TCERG1L: variants seen among roughly 807,000 people sequenced by gnomAD.
TCERG1L encodes the protein transcription elongation regulator 1-like protein.
In TCERG1L, 37 loss-of-function variants were observed where a neutral mutation model predicts 56.3. The observed-to-expected ratio is 0.66, with a 90% CI of 0.51 to 0.87. TCERG1L has a LOEUF of 0.87. Ranked by LOEUF, TCERG1L falls within the 40% of genes least tolerant of loss-of-function variation. The pLI, the probability that TCERG1L is intolerant of heterozygous loss-of-function variation, is 0.00. For missense variants in TCERG1L, 799 were observed against 774.2 expected (o/e 1.03, Z -0.38); for synonymous variants, 324 against 326.3 (o/e 0.99, Z 0.08).
intron 9 of TCERG1L, among the ~76,000 whole-genome samples, chr10:131,115,650 G>A (rs1343078960): frequency 1.3e-5 from 2 of 152,144 alleles, no homozygotes; most frequent in East Asian, 3.9e-4. Context: ...TTTCGCCTTT[G>A]AGTAAATGAT....
At chr10:131,191,036 C>G (rs574502135) in intron 4 of TCERG1L, among the ~76,000 whole-genome samples, 1 of 144,170 alleles carries the variant, frequency 6.9e-6, no homozygotes, top group Admixed American at 6.9e-5. Context: ...GTTGTAAAAT[C>G]AATGTACACA....
chr10:131,195,238 C>A (rs916743319), intron 4 of TCERG1L, among the ~76,000 whole-genome samples: 1 of 152,212 alleles, frequency 6.6e-6, no homozygotes, highest in Non-Finnish European at 1.5e-5. Context: ...GTATGTGAAG[C>A]CTGATCACAG....
chr10:131,229,892 C>T lies in TCERG1L; in HGVS notation c.856+30367G>A, dbSNP rs182184079. 1.2e-4 allele frequency among the ~76,000 whole-genome samples: 19 copies of T among 152,280 alleles called. No individual in the cohort carries two copies. In the East Asian group the frequency reaches 1.4e-3, roughly 11 times the overall value. ...GGCACAGGGTGAGTAACCTTCTGAA[C>T]GAAGCGCTGAGGAGAACGTGATTTT... On this transcript the variant is annotated intron_variant, in intron 4 of 11. Coordinates refer to ENST00000368642, the MANE Select transcript of TCERG1L (RefSeq NM_174937.4).
intron 4 of TCERG1L, among the ~76,000 whole-genome samples, chr10:131,178,718 G>A (rs1210101295): frequency 1.3e-5 from 2 of 152,158 alleles, no homozygotes; most frequent in Non-Finnish European, 2.9e-5. Flanking sequence ...CCCTGCCCCA[G>A]GTGTCTCCGG....
At chr10:131,224,000 G>C (rs79899993) in intron 4 of TCERG1L, among the ~76,000 whole-genome samples, 1 of 151,752 alleles carries the variant, frequency 6.6e-6, no homozygotes, top group Non-Finnish European at 1.5e-5. Flanking sequence ...AGAAGCAGCC[G>C]CTCCATCCCA....
chr10:131,147,401 C>T (rs79767606), intron 6 of TCERG1L, among the ~76,000 whole-genome samples: 7,573 of 152,282 alleles, frequency 0.05, 277 homozygotes, highest in South Asian at 0.22. Context: ...CGGGAGCCTG[C>T]GGCATGGAGG....
At chr10:131,181,329 G>C (rs1295508949) in intron 4 of TCERG1L, among the ~76,000 whole-genome samples, 2 of 152,218 alleles carry the variant, frequency 1.3e-5, no homozygotes, top group Non-Finnish European at 2.9e-5. Flanking sequence ...CAACACCAGG[G>C]GCCCGGGGGT....
intron 3 of TCERG1L, among the ~76,000 whole-genome samples, chr10:131,295,564 A>C (rs1009513375): frequency 2.6e-5 from 4 of 152,250 alleles, no homozygotes; most frequent in African/African-American, 9.6e-5. Flanking sequence ...ATGATGTTGA[A>C]CATTTTTAAA....
In TCERG1L at chr10:131,135,472, C is replaced by A. The variant is rs181338515; in HGVS notation, c.1190-1024G>T. Among the ~76,000 whole-genome samples the A allele has an allele frequency of 2.6e-5, 4 of 152,270 alleles. No homozygotes were observed. The South Asian group carries it at 8.3e-4, about 32-fold the overall frequency. ...CTGCACATTTTCTTTCTATAAAACCCGACAATTCTCCCTACACCTGTTTTT... is the reference window on the plus strand; with the variant it reads ...CTGCACATTTTCTTTCTATAAAACCAGACAATTCTCCCTACACCTGTTTTT... On this transcript the variant is annotated intron_variant, in intron 7 of 11. Coordinates refer to ENST00000368642, the MANE Select transcript of TCERG1L (RefSeq NM_174937.4).
intron 4 of TCERG1L, among the ~76,000 whole-genome samples, chr10:131,228,660 CCGGAGTCTCCCCTCCAG>C: frequency 1.4e-5 from 1 of 70,054 alleles, no homozygotes; most frequent in Non-Finnish European, 2.9e-5. Context: ...CTCAAGGCCT[CCGGAGTCTCCCCTCCAG>C]ACAGGCATTT....
intron 3 of TCERG1L, among the ~76,000 whole-genome samples, chr10:131,273,346 G>T (rs10829968): frequency 6.6e-6 from 1 of 152,004 alleles, no homozygotes; most frequent in Non-Finnish European, 1.5e-5. Context: ...GGCCTCCTCC[G>T]TGGGTCTGGA....
intron 4 of TCERG1L, among the ~76,000 whole-genome samples, chr10:131,204,074 G>A (rs1161790481): frequency 6.6e-6 from 1 of 152,232 alleles, no homozygotes; most frequent in African/African-American, 2.4e-5. Flanking sequence ...AAGGCCCGAA[G>A]GGAACCAGCT....
intron 4 of TCERG1L, among the ~76,000 whole-genome samples, chr10:131,179,392 A>C (rs1471769893): frequency 6.6e-6 from 1 of 152,232 alleles, no homozygotes; most frequent in African/African-American, 2.4e-5. Flanking sequence ...CAATCCAAGA[A>C]TGCCCTAAAT....
intron 3 of TCERG1L, among the ~76,000 whole-genome samples, chr10:131,298,348 G>A (rs1846720539): frequency 6.6e-6 from 1 of 151,868 alleles, no homozygotes; most frequent in African/African-American, 2.4e-5. Flanking sequence ...TCAAACATTT[G>A]GAGGTTTTCC....
chr10:131,239,807 C>T, intron 4 of TCERG1L, among the ~76,000 whole-genome samples: 1 of 152,244 alleles, frequency 6.6e-6, no homozygotes, highest in African/African-American at 2.4e-5. Flanking sequence ...ATCTGCTCAG[C>T]CTCTGGTCAG....
At chr10:131,135,226 C>A (rs1845662200) in intron 7 of TCERG1L, among the ~76,000 whole-genome samples, 1 of 152,126 alleles carries the variant, frequency 6.6e-6, no homozygotes, top group Non-Finnish European at 1.5e-5. Context: ...TTCCGCCCCG[C>A]CCAGCTTGGG....
chr10:131,146,130 G>C (rs1367163185), intron 7 of TCERG1L, among the ~76,000 whole-genome samples: 1 of 152,204 alleles, frequency 6.6e-6, no homozygotes, highest in Non-Finnish European at 1.5e-5. Flanking sequence ...ATGTAAGGTG[G>C]AAGAAAACAC....
intron 6 of TCERG1L, among the ~76,000 whole-genome samples, chr10:131,148,503 C>A (rs887005809): frequency 6.6e-6 from 1 of 151,502 alleles, no homozygotes; most frequent in Non-Finnish European, 1.5e-5. Context: ...TATACACACA[C>A]AAAGGGACAC....
At position 131,156,536 on chromosome 10, in the gene TCERG1L, T is replaced by C. The variant is rs147073150; in HGVS notation, c.1034+6586A>G. 2.0e-5 allele frequency among the ~76,000 whole-genome samples: 3 copies of C among 152,190 alleles called. No individual in the cohort carries two copies. In the East Asian group the frequency reaches 5.8e-4, roughly 30 times the overall value. ...ACCCTTCATACTGTCTTATGCCCAA[T>C]TTCTGCCTCCAAAGAAAGAAAAAGT... On this transcript the variant is annotated intron_variant, in intron 6 of 11. Transcript: ENST00000368642.
Sources: gnomAD v4.1 joint callset for allele counts (sites outside exome capture counted in the v4.1 genomes callset) on GRCh38, gnomAD v4.1.1 for gene constraint, MANE v1.5 for transcripts, NCBI Gene and HGNC (gene_info 2026-07-23, HGNC 2026-07-21) for gene names.